The following DPP10 variants were observed in gnomAD, a reference collection of about 807,000 sequenced individuals.
DPP10 encodes the protein dipeptidyl peptidase like 10.
A neutral mutation model predicts 120.9 loss-of-function variants in DPP10; 33 were observed. That is an observed-to-expected ratio of 0.27 (90% confidence interval 0.21 to 0.37). The LOEUF (loss-of-function observed/expected upper bound fraction) is 0.37, where lower values mean the gene tolerates loss of function less well. Among genes scored for constraint, DPP10 ranks in the 10% least tolerant of loss-of-function variants. The probability of loss-of-function intolerance (pLI) is 1.00; values close to 1 mark genes in which losing one functional copy is unlikely to be tolerated. For synonymous variants in DPP10, 337 were observed against 326.1 expected (o/e 1.03, Z -0.36); for missense variants, 816 against 942.8 (o/e 0.87, Z 1.76).
At chr2:115,296,507 G>T (rs1471346761) in intron 1 of DPP10, among the ~76,000 whole-genome samples, 1 of 152,106 alleles carries the variant, frequency 6.6e-6, no homozygotes, top group East Asian at 1.9e-4. Flanking sequence ...AGGGGAATGG[G>T]GGTTTCCTCA....
chr2:114,686,269 G>T (rs1699359522), intron 1 of DPP10, among the ~76,000 whole-genome samples: 2 of 151,770 alleles, frequency 1.3e-5, no homozygotes, highest in Admixed American at 1.3e-4. Context: ...CTGTTTTTCA[G>T]ATAATAATAA....
chr2:115,454,355 A>G (rs889619055), intron 3 of DPP10, among the ~76,000 whole-genome samples: 1 of 151,682 alleles, frequency 6.6e-6, no homozygotes, highest in African/African-American at 2.4e-5. Context: ...AACAAACTAA[A>G]TTCAAGAACA....
intron 7 of DPP10, among the ~76,000 whole-genome samples, chr2:115,725,287 T>C (rs1378652348): frequency 6.6e-6 from 1 of 152,128 alleles, no homozygotes; most frequent in East Asian, 1.9e-4. Flanking sequence ...TTGTTACTAA[T>C]GGTTAGAGTT....
intron 1 of DPP10, among the ~76,000 whole-genome samples, chr2:114,808,964 A>G (rs959253689): frequency 6.6e-6 from 1 of 152,052 alleles, no homozygotes; most frequent in Non-Finnish European, 1.5e-5. Context: ...TGTGTCTATT[A>G]CCCCTAGAAT....
intron 1 of DPP10, among the ~76,000 whole-genome samples, chr2:114,808,209 AT>A (rs147919726): frequency 0.013 from 1,965 of 152,276 alleles, 57 homozygotes; most frequent in African/African-American, 0.044. Context: ...GATCCAGCAT[AT>A]TTTAAACAAC....
intron 4 of DPP10, among the ~76,000 whole-genome samples, chr2:115,500,730 T>C (rs1160885792): frequency 6.6e-6 from 1 of 152,016 alleles, no homozygotes; most frequent in East Asian, 1.9e-4. Context: ...TGTGCAACTC[T>C]TTATGGTACT....
chr2:115,014,121 G>T (rs1222344173), intron 1 of DPP10, among the ~76,000 whole-genome samples: 1 of 152,098 alleles, frequency 6.6e-6, no homozygotes, highest in Non-Finnish European at 1.5e-5. Flanking sequence ...AAATGCAGAA[G>T]AATGGAAATC....
chr2:114,780,725 TTATC>T (rs1305631499), intron 1 of DPP10, among the ~76,000 whole-genome samples: 2 of 152,084 alleles, frequency 1.3e-5, no homozygotes, highest in Admixed American at 6.5e-5. Flanking sequence ...TCTTAAATGT[TTATC>T]TAGTTGATTG....
chr2:115,167,039 T>A (rs964051429), intron 1 of DPP10, among the ~76,000 whole-genome samples: 3 of 152,066 alleles, frequency 2.0e-5, no homozygotes, highest in Non-Finnish European at 2.9e-5. Context: ...AGTCACAGAG[T>A]CAAGTTCATA....
intron 1 of DPP10, among the ~76,000 whole-genome samples, chr2:115,057,644 CA>C (rs1293003159): frequency 6.6e-6 from 1 of 152,072 alleles, no homozygotes; most frequent in African/African-American, 2.4e-5. Context: ...CATGTGTTAG[CA>C]AAAACACAAA....
intron 1 of DPP10, among the ~76,000 whole-genome samples, chr2:114,550,227 A>T (rs1323153581): frequency 6.6e-6 from 1 of 152,140 alleles, no homozygotes; most frequent in African/African-American, 2.4e-5. Context: ...CACCATTCTC[A>T]AGACAAATCC....
At chr2:114,828,890 T>G (rs1020746254) in intron 1 of DPP10, 2 of 152,220 alleles carry the variant, frequency 1.3e-5, no homozygotes, top group African/African-American at 2.4e-5. Context: ...TGGAGAGAGA[T>G]ATTGAAAATG....
chr2:115,009,652 G>A (rs1041668992), intron 1 of DPP10, among the ~76,000 whole-genome samples: 6 of 151,480 alleles, frequency 4.0e-5, no homozygotes, highest in Non-Finnish European at 8.8e-5. Flanking sequence ...GGGAGGGATA[G>A]CATTAGGAGA....
intron 5 of DPP10, among the ~76,000 whole-genome samples, chr2:115,662,496 C>T (rs2089080991): frequency 6.6e-6 from 1 of 150,752 alleles, no homozygotes; most frequent in Admixed American, 6.6e-5. Context: ...TCACATTTCT[C>T]AAAAGAAACA....
chr2:115,790,050 A>T (rs1036774352), intron 17 of DPP10, among the ~76,000 whole-genome samples: 2 of 149,870 alleles, frequency 1.3e-5, no homozygotes, highest in Non-Finnish European at 2.9e-5. Flanking sequence ...ATGTGAATGT[A>T]TATATATGGA....
chr2:115,587,737 C>T (rs1439811130), intron 5 of DPP10, among the ~76,000 whole-genome samples: 1 of 152,164 alleles, frequency 6.6e-6, no homozygotes, highest in African/African-American at 2.4e-5. Flanking sequence ...AATCCTGCCA[C>T]TTGTGACATA....
At chr2:115,331,501 A>C (rs960074425) in intron 2 of DPP10, among the ~76,000 whole-genome samples, 1 of 152,146 alleles carries the variant, frequency 6.6e-6, no homozygotes, top group Non-Finnish European at 1.5e-5. Flanking sequence ...GTCTTGTGCC[A>C]GTTTTCAAAG....
At chr2:114,449,027 T>G (rs1488208169) in intron 1 of DPP10, among the ~76,000 whole-genome samples, 1 of 152,200 alleles carries the variant, frequency 6.6e-6, no homozygotes, top group African/African-American at 2.4e-5. Flanking sequence ...TACTGACATT[T>G]TGGCTTTTGA....
chr2:115,725,345 T>C (rs904466447), intron 7 of DPP10, among the ~76,000 whole-genome samples: 9 of 152,158 alleles, frequency 5.9e-5, no homozygotes, highest in African/African-American at 2.2e-4. Context: ...ACTTTGATAA[T>C]TGAAAAGGGA....
Sources: allele counts gnomAD v4.1 joint callset (sites outside exome capture counted in the v4.1 genomes callset), GRCh38; gene constraint gnomAD v4.1.1; transcripts MANE v1.5; gene names NCBI Gene and HGNC (gene_info 2026-07-23, HGNC 2026-07-21).